Variants in POMT1 observed in about 807,000 individuals in gnomAD.
POMT1 encodes protein O-mannosyltransferase 1, also known as protein O-mannosyl-transferase 1.
Under a neutral mutation model 101.6 loss-of-function variants are expected in POMT1, and 85 were observed. The ratio of observed to expected loss-of-function variants is 0.84; its 90% CI spans 0.70 to 1.00. The LOEUF (loss-of-function observed/expected upper bound fraction) is 1.00. POMT1 is among the 50% of genes least tolerant of loss of function. The probability of loss-of-function intolerance (pLI) is 0.00; values close to 1 mark genes in which losing one functional copy is unlikely to be tolerated. For missense variants in POMT1, 857 were observed against 930.4 expected (o/e 0.92, Z 1.03); for synonymous variants, 371 against 383.0 (o/e 0.97, Z 0.37).
rs1311972354 is a variant in POMT1, at chr9:131,518,849, C to T, written c.1378C>T (p.His460Tyr). Residue 460 changes from histidine (H) to tyrosine (Y), a missense_variant, in exon 15 of 20, where the codon CAC (histidine) becomes TAC (tyrosine). His to Tyr is a moderately conservative substitution (Grantham distance 83, BLOSUM62 2). Coordinates refer to ENST00000402686, the MANE Select transcript of POMT1 (RefSeq NM_001077365.2). ...GCGGTGTCACCAGCTGAGCGGGGCT[C>T]ACCTCCCTGACTGGGGGTATCGGCA... is the stretch of plus-strand genomic sequence containing the variant. ...TSAVLKLSGA[H>Y]LPDWGYRQLE... 1 of 1,614,004 alleles carries T rather than the reference C, an allele frequency of 6.2e-7. No homozygotes were observed. Among genetic ancestry groups the T allele is most frequent in the East Asian group, 2.2e-5 (1 of 44,880 alleles).
chr9:131,513,281 C>T lies in POMT1; in HGVS notation c.1125C>T (p.His375=), dbSNP rs35242383. The change falls in exon 12 of 20, where the codon CAC becomes CAT. Residue 375 remains histidine, a synonymous_variant. Coordinates refer to ENST00000402686, the MANE Select transcript of POMT1 (RefSeq NM_001077365.2). ...VVSSPPRPVR[H]GDMVQLVHGM... ...GCAGCCCTCCGAGACCTGTGAGGCA[C>T]GGGGACATGGTGCAGCTGGTCCACG... is the stretch of plus-strand genomic sequence containing the variant. The T allele has an allele frequency of 1.8e-3, 2,839 of 1,612,992 alleles. 53 individuals are homozygous for T. In the African/African-American group the frequency reaches 0.034, roughly 19 times the overall value.
Position 131,522,471 on chromosome 9 carries a change from G to C in POMT1, c.2003+247G>C. 1 of 747,984 alleles carries C rather than the reference G, an allele frequency of 1.3e-6. No individual in the cohort carries two copies. Among genetic ancestry groups the C allele is most frequent in the South Asian group, 1.9e-5 (1 of 53,926 alleles). 46.3% of individuals were successfully genotyped at this position (747,984 alleles called of 1,614,324 possible). A position where few individuals can be genotyped will look rare whatever the true frequency, so the allele number is the denominator to read the frequency against. On this transcript the variant is annotated intron_variant, in intron 19 of 19. Coordinates refer to ENST00000402686, the MANE Select transcript of POMT1 (RefSeq NM_001077365.2). This position sits in a 1 kb window ranked among gnomAD's most constrained non-coding sequence, Gnocchi z 5.5. ...GTGGGTGGGGAGACGGGGAGGGGATGAAGAGATGTGGGTGGCCTGGAGGAT... is the reference window on the plus strand; with the variant it reads ...GTGGGTGGGGAGACGGGGAGGGGATCAAGAGATGTGGGTGGCCTGGAGGAT...
In POMT1 at chr9:131,518,465, T is replaced by C. The variant is rs767470277; in HGVS notation, c.1293T>C (p.Ser431=). 1.2e-6 allele frequency: 2 copies of C among 1,613,660 alleles called. No homozygotes were observed. Among genetic ancestry groups the C allele is most frequent in the Non-Finnish European group, 1.7e-6 (2 of 1,179,782 alleles). ...LWRLEIVNRG[S]DTDVWKTILS... ...TGCAGGAAATTGTGAACAGAGGATCTGACACAGACGTCTGGAAGACCATCC... is the reference window on the plus strand; with the variant it reads ...TGCAGGAAATTGTGAACAGAGGATCCGACACAGACGTCTGGAAGACCATCC... Residue 431 remains serine, a synonymous_variant, in exon 14 of 20, where the codon TCT becomes TCC. Coordinates refer to ENST00000402686, the MANE Select transcript of POMT1 (RefSeq NM_001077365.2).
intron 2 of POMT1, among the ~76,000 whole-genome samples, chr9:131,504,747 ATGTGTGTATGTGTGTG>A (rs1411470626): frequency 8.1e-5 from 10 of 122,700 alleles, no homozygotes; most frequent in African/African-American, 3.3e-4. Context: ...TAACTGATTA[ATGTGTGTATGTGTGTG>A]TGTGTGTGTG....
intron 1 of POMT1, 71 bp from the exon 2 acceptor site, chr9:131,504,118 G>A (rs1379663450): frequency 1.1e-5 from 17 of 1,573,554 alleles, no homozygotes; most frequent in African/African-American, 2.7e-5. Flanking sequence ...TCCGGGAGCC[G>A]GGTGGCTGGG....
At position 131,513,242 on chromosome 9, in the gene POMT1, C is replaced by T. The variant is rs773806164; in HGVS notation, c.1086C>T (p.His362=). ...NWWIVKDPRR[H]QLVVSSPPRP... ...CCGACAGCACTGTGTCTTCCAGGCA[C>T]CAGCTGGTGGTGAGCAGCCCTCCGA... Residue 362 remains histidine, a synonymous_variant, in exon 12 of 20, where the codon CAC becomes CAT. Transcript: ENST00000402686. The T allele has an allele frequency of 6.2e-7, 1 of 1,613,042 alleles. No homozygotes were observed.
At chr9:131,517,801 A>AGG (rs1363244600) in intron 13 of POMT1, among the ~76,000 whole-genome samples, 1 of 152,208 alleles carries the variant, frequency 6.6e-6, no homozygotes, top group Non-Finnish European at 1.5e-5. Flanking sequence ...AGAACAAGGA[A>AGG]GGAGGGAGCA....
rs1052318201 is a variant in POMT1 at position 131,523,360 on chromosome 9, T to C, written c.*254T>C. On this transcript the variant is annotated 3_prime_UTR_variant, in exon 20 of 20. Transcript: ENST00000402686. ...CCCTGAACTAAGACACAGGGAGTATTTCAGAGGCCAGCGTAGGAGTCATTG... is the reference window on the plus strand; with the variant it reads ...CCCTGAACTAAGACACAGGGAGTATCTCAGAGGCCAGCGTAGGAGTCATTG... 1.9e-6 allele frequency: 1 copy of C among 519,560 alleles called. No individual in the cohort carries two copies. Among genetic ancestry groups the C allele is most frequent in the African/African-American group, 1.9e-5 (1 of 52,010 alleles). 32.2% of individuals were successfully genotyped at this position (519,560 alleles called of 1,614,324 possible).
At chr9:131,520,879 G>C (rs1216950417) in intron 17 of POMT1, among the ~76,000 whole-genome samples, 1 of 152,224 alleles carries the variant, frequency 6.6e-6, no homozygotes, top group Admixed American at 6.5e-5. Context: ...GTCTTGCTCT[G>C]TCATCCAGGC....
intron 12 of POMT1, among the ~76,000 whole-genome samples, chr9:131,514,345 C>A (rs1192471644): frequency 6.6e-6 from 1 of 152,210 alleles, no homozygotes; most frequent in Admixed American, 6.5e-5. Flanking sequence ...CCTGAAACAA[C>A]CACCTGCGGG....
intron 2 of POMT1, among the ~76,000 whole-genome samples, chr9:131,505,287 A>G (rs1406645989): frequency 2.3e-5 from 3 of 130,540 alleles, no homozygotes; most frequent in African/African-American, 8.7e-5. Context: ...TATATCTGTA[A>G]AAGATGAGGA....
chr9:131,518,369 T>G (rs1478576032), intron 13 of POMT1, 76 bp from the exon 14 acceptor site: 2 of 1,202,068 alleles, frequency 1.7e-6, no homozygotes, highest in Admixed American at 3.4e-5. Context: ...TATCATTGTT[T>G]GGTGACAGGT....
chr9:131,510,133 C>G, intron 8 of POMT1, 127 bp from the exon 9 acceptor site: 1 of 1,610,900 alleles, frequency 6.2e-7, no homozygotes, highest in East Asian at 2.2e-5. Context: ...CGCCTCTTGG[C>G]CTCTGCAGGT....
At position 131,520,343 on chromosome 9, in the gene POMT1, C is replaced by T. The variant is rs747545181; in HGVS notation, c.1698+150C>T. 226 of 758,762 alleles carry T rather than the reference C, an allele frequency of 3.0e-4. 1 individual carries two copies. The highest frequency in any genetic ancestry group is 3.2e-4 in the Non-Finnish European group (140 of 439,066). The allele number at this position is 758,762 out of a possible 1,614,324, so 47.0% of individuals were successfully genotyped here. ...GGCCTGTGACTTGGTTTTCTCTAAA[C>T]GCTTTGGCAACCTGGAGCCAGGAGT... On this transcript the variant is annotated intron_variant, in intron 17 of 19. Coordinates refer to ENST00000402686, the MANE Select transcript of POMT1 (RefSeq NM_001077365.2).
chr9:131,504,226 G>C lies in POMT1; in HGVS notation c.8G>C (p.Gly3Ala), dbSNP rs975217678. Residue 3 changes from glycine (G) to alanine (A), a missense_variant, in exon 2 of 20, where the codon GGA becomes GCA. Physicochemically the swap from Gly to Ala is moderately conservative, Grantham distance 60. Coordinates refer to ENST00000402686, the MANE Select transcript of POMT1 (RefSeq NM_001077365.2). ...AGCCCGCTTTTCTACAAGATGTGGGGATTTTTGAAGCGCCCTGTAGTGGTG... is the reference window on the plus strand; with the variant it reads ...AGCCCGCTTTTCTACAAGATGTGGGCATTTTTGAAGCGCCCTGTAGTGGTG... MWGFLKRPVVVTA... is the reference protein window; with the variant it reads MWAFLKRPVVVTA... The C allele has an allele frequency of 6.2e-6, 10 of 1,614,130 alleles. No homozygotes were observed. The East Asian group carries it at 2.2e-4, about 36-fold the overall frequency.
rs1950320926 is a variant in POMT1 at position 131,523,247 on chromosome 9, G to A, written c.*141G>A. Reference sequence around the variant, plus strand: ...AGCAGGGCCTCTAGTGGAACACATGGGGGTCTCATTGAAAAGCTCTCTGAT... The same window carrying A: ...AGCAGGGCCTCTAGTGGAACACATGAGGGTCTCATTGAAAAGCTCTCTGAT... On this transcript the variant is annotated 3_prime_UTR_variant, in exon 20 of 20. Transcript: ENST00000402686. 1 of 1,022,730 alleles carries A rather than the reference G, an allele frequency of 9.8e-7. No homozygotes were observed. The highest frequency in any genetic ancestry group is 1.5e-6 in the Non-Finnish European group (1 of 689,250). 63.4% of individuals were successfully genotyped at this position (1,022,730 alleles called of 1,614,324 possible).
At chr9:131,512,606 T>A (rs560690719) in intron 11 of POMT1, among the ~76,000 whole-genome samples, 227 of 152,078 alleles carry the variant, frequency 1.5e-3, no homozygotes, top group African/African-American at 5.2e-3. Context: ...GGGCTTTTTC[T>A]TTTTTTTCTT....
chr9:131,523,191 G>A lies in POMT1; in HGVS notation c.*85G>A. ...TCAATGTACGTAATGAGCAGGGTGGGCCCCACGCTGGGAGGACACGGGCTG... is the reference window on the plus strand; with the variant it reads ...TCAATGTACGTAATGAGCAGGGTGGACCCCACGCTGGGAGGACACGGGCTG... On this transcript the variant is annotated 3_prime_UTR_variant, in exon 20 of 20. Transcript: ENST00000402686. The A allele has an allele frequency of 6.6e-7, 1 of 1,515,848 alleles. No individual in the cohort carries two copies. The highest frequency in any genetic ancestry group is 1.4e-5 in the African/African-American group (1 of 73,514). 93.9% of individuals were successfully genotyped at this position (1,515,848 alleles called of 1,614,324 possible). A position where few individuals can be genotyped will look rare whatever the true frequency, so the allele number is the denominator to read the frequency against.
chr9:131,506,015 C>T, intron 2 of POMT1, 99 bp from the exon 3 acceptor site: 1 of 1,530,868 alleles, frequency 6.5e-7, no homozygotes, highest in Non-Finnish European at 8.9e-7. Flanking sequence ...ATCACTCACT[C>T]AAAGTCATTT....
Sources: gnomAD v4.1 joint callset for allele counts (sites outside exome capture counted in the v4.1 genomes callset) on GRCh38, gnomAD v4.1.1 for gene constraint, Gnocchi (gnomAD v3.1) non-coding constraint, MANE v1.5 for transcripts, NCBI Gene and HGNC (gene_info 2026-07-23, HGNC 2026-07-21) for gene names.